TBC1D9: variants seen among roughly 807,000 people sequenced by gnomAD.
The protein encoded by TBC1D9 is TBC1 domain family member 9, also known as TBC1 domain family member 9A.
Under a neutral mutation model 132.0 loss-of-function variants are expected in TBC1D9, and 63 were observed. The ratio of observed to expected loss-of-function variants is 0.48; its 90% CI spans 0.39 to 0.59. The LOEUF is 0.59. Ranked by LOEUF, TBC1D9 falls within the 20% of genes least tolerant of loss-of-function variation. The pLI is 0.00. For synonymous variants in TBC1D9, 610 were observed against 609.9 expected, an observed-to-expected ratio of 1.00 and a Z score of 0.00; for missense variants, 1,261 against 1,592.7, an observed-to-expected ratio of 0.79 and a Z score of 3.54.
intron 1 of TBC1D9, among the ~76,000 whole-genome samples, chr4:140,729,529 C>T (rs1578859189): frequency 1.3e-5 from 2 of 152,066 alleles, no homozygotes; most frequent in East Asian, 3.9e-4. Flanking sequence ...AATAATGACA[C>T]AACAGGGTTT....
In TBC1D9 at chr4:140,677,043, C is replaced by T; in HGVS notation, c.910G>A (p.Asp304Asn). 6.2e-7 allele frequency: 1 copy of T among 1,613,974 alleles called. No homozygotes were observed. The highest frequency in any genetic ancestry group is 8.5e-7 in the Non-Finnish European group (1 of 1,179,866). The change falls in exon 6 of 21, where the codon GAT becomes AAT. Residue 304 changes from aspartate to asparagine, a missense_variant. This residue lies in a region of TBC1D9 where 550 missense variants were observed against 699.0 expected (regional missense o/e 0.79). Coordinates refer to ENST00000442267, the MANE Select transcript of TBC1D9 (RefSeq NM_015130.3). Reference protein sequence around the residue: ...RYRALFRLPKDEKLDGHTDCT... With the variant: ...RYRALFRLPKNEKLDGHTDCT... ...TCTGTGTGGCCATCTAATTTTTCAT[C>T]TTTGGGCAGCCGGAAAAGTGCACGG...
At chr4:140,748,637 GT>G (rs1210578231) in intron 1 of TBC1D9, among the ~76,000 whole-genome samples, 3 of 152,182 alleles carry the variant, frequency 2.0e-5, no homozygotes, top group African/African-American at 7.2e-5. Flanking sequence ...CAGAGTGACA[GT>G]TTACCTCAGA....
At chr4:140,712,032 G>A (rs997100752) in intron 1 of TBC1D9, 2 of 151,966 alleles carry the variant, frequency 1.3e-5, no homozygotes, top group Admixed American at 1.3e-4. Context: ...TTTACTCAAA[G>A]AGAGCTCATG....
At chr4:140,649,404 T>G (rs555607747) in intron 13 of TBC1D9, among the ~76,000 whole-genome samples, 157 of 152,366 alleles carry the variant, frequency 1.0e-3, no homozygotes, top group Non-Finnish European at 2.0e-3. Flanking sequence ...GGTTCACTAC[T>G]GTTAGCAGAA....
chr4:140,701,684 A>C, intron 1 of TBC1D9, 70 bp from the exon 2 acceptor site: 9 of 1,178,394 alleles, frequency 7.6e-6, no homozygotes, highest in Non-Finnish European at 1.1e-5. Context: ...CAGGGGCAGC[A>C]TGAACATGCC....
chr4:140,643,534 G>T, intron 13 of TBC1D9: 1 of 871,726 alleles, frequency 1.1e-6, no homozygotes, highest in Non-Finnish European at 1.8e-6. Context: ...TCCCCGGCGG[G>T]CACGTCACAG....
intron 13 of TBC1D9, chr4:140,644,633 G>C: frequency 7.5e-6 from 3 of 398,240 alleles, no homozygotes; most frequent in Non-Finnish European, 4.8e-6. Context: ...CGCTCCAGCT[G>C]GGTGCTTCTT....
At chr4:140,738,313 T>C (rs1258314772) in intron 1 of TBC1D9, among the ~76,000 whole-genome samples, 1 of 152,246 alleles carries the variant, frequency 6.6e-6, no homozygotes. Context: ...CTTTATCTTA[T>C]GTAAAAATGT....
rs1560862670 is a variant in TBC1D9 at position 140,622,449 on chromosome 4, T to C, written c.3547A>G (p.Ile1183Val). The change falls in exon 21 of 21, where the codon ATC becomes GTC. Residue 1183 changes from isoleucine (I) to valine (V), a missense_variant. Physicochemically the swap from Ile to Val is conservative, Grantham distance 29. This residue lies in a region of TBC1D9 where 618 missense variants were observed against 724.4 expected (regional missense o/e 0.85). Coordinates refer to ENST00000442267, the MANE Select transcript of TBC1D9 (RefSeq NM_015130.3). ...HEEDKLHCEDIGEDTVLVRSG... is the reference protein window; with the variant it reads ...HEEDKLHCEDVGEDTVLVRSG... ...CGCACCAGGACCGTGTCCTCTCCGA[T>C]GTCCTCGCAGTGCAGCTTGTCCTCC... 6.2e-7 allele frequency: 1 copy of C among 1,614,004 alleles called. No individual in the cohort carries two copies. Among genetic ancestry groups the C allele is most frequent in the Non-Finnish European group, 8.5e-7 (1 of 1,179,868 alleles).
At chr4:140,734,694 T>C (rs1331751973) in intron 1 of TBC1D9, among the ~76,000 whole-genome samples, 1 of 151,896 alleles carries the variant, frequency 6.6e-6, no homozygotes, top group Non-Finnish European at 1.5e-5. Context: ...ATTCTGGAGG[T>C]TGAGGTGGGA....
At chr4:140,695,674 C>A (rs1394330854) in intron 2 of TBC1D9, among the ~76,000 whole-genome samples, 5 of 152,168 alleles carry the variant, frequency 3.3e-5, no homozygotes, top group African/African-American at 1.2e-4. Flanking sequence ...ACTGTTAGAA[C>A]CTTCTAGTCC....
At position 140,739,934 on chromosome 4, in the gene TBC1D9, CAG is replaced by C. The variant is rs755493197; in HGVS notation, c.130+15980_130+15981del. On this transcript the variant is annotated intron_variant, in intron 1 of 20. Coordinates refer to ENST00000442267, the MANE Select transcript of TBC1D9 (RefSeq NM_015130.3). ...TTCCCTTTTGTTTGTTCAGTGTAAA[CAG>C]AGACCAAATCCTTAATGTTCTGCTT... 1.2e-4 allele frequency among the ~76,000 whole-genome samples: 18 copies of C among 152,208 alleles called. No homozygotes were observed. The East Asian group carries it at 2.1e-3, about 18-fold the overall frequency.
intron 15 of TBC1D9, among the ~76,000 whole-genome samples, chr4:140,638,585 T>C (rs1208076077): frequency 6.6e-6 from 1 of 151,582 alleles, no homozygotes; most frequent in Non-Finnish European, 1.5e-5. Flanking sequence ...CAGCTGTACC[T>C]GGGCAACAGA....
rs188817380 is a variant in TBC1D9 at position 140,729,418 on chromosome 4, C to A, written c.130+26498G>T. On this transcript the variant is annotated intron_variant, in intron 1 of 20. Coordinates refer to ENST00000442267, the MANE Select transcript of TBC1D9 (RefSeq NM_015130.3). ...TTCTCGAACTGCAATTTATCCATCA[C>A]AACAGCAAAGGGCCCCATGGAGGCA... 2.0e-3 allele frequency among the ~76,000 whole-genome samples: 303 copies of A among 152,270 alleles called. 2 individuals are homozygous for A. The highest frequency in any genetic ancestry group is 6.7e-3 in the African/African-American group (277 of 41,526).
At chr4:140,740,195 T>C (rs72720335) in intron 1 of TBC1D9, among the ~76,000 whole-genome samples, 6,885 of 152,290 alleles carry the variant, frequency 0.045, 209 homozygotes, top group South Asian at 0.088. Context: ...AACAGGCCTC[T>C]TCCAAATGAA....
At chr4:140,732,804 C>A (rs1181168949) in intron 1 of TBC1D9, among the ~76,000 whole-genome samples, 1 of 152,060 alleles carries the variant, frequency 6.6e-6, no homozygotes, top group African/African-American at 2.4e-5. Flanking sequence ...CACTTTGGGG[C>A]AAATTTCAAG....
intron 15 of TBC1D9, among the ~76,000 whole-genome samples, chr4:140,635,506 A>G (rs1269549080): frequency 6.6e-6 from 1 of 152,120 alleles, no homozygotes; most frequent in East Asian, 1.9e-4. Context: ...AAAAAAGAAG[A>G]AAGAAAAATT....
chr4:140,712,538 C>T (rs1182489583), intron 1 of TBC1D9, among the ~76,000 whole-genome samples: 1 of 147,100 alleles, frequency 6.8e-6, no homozygotes, highest in Non-Finnish European at 1.5e-5. Flanking sequence ...GTCAAGAGTT[C>T]GAGACCAGCC....
intron 1 of TBC1D9, among the ~76,000 whole-genome samples, chr4:140,750,513 T>C (rs1231140931): frequency 1.3e-5 from 2 of 149,478 alleles, no homozygotes; most frequent in Admixed American, 6.6e-5. Flanking sequence ...AAACAGAAAA[T>C]GAAATTTTAA....
Sources: gnomAD v4.1 joint callset for allele counts (sites outside exome capture counted in the v4.1 genomes callset) on GRCh38, gnomAD v4.1.1 for gene constraint, gnomAD v4.1.1 regional missense constraint, MANE v1.5 for transcripts, NCBI Gene and HGNC (gene_info 2026-07-23, HGNC 2026-07-21) for gene names.